The following SEMA3C variants were observed in gnomAD, a reference collection of about 807,000 sequenced individuals.
SEMA3C encodes the protein semaphorin 3C, also known as semaphorin-3C.
Under a neutral mutation model 89.4 loss-of-function variants are expected in SEMA3C, and 47 were observed. The observed-to-expected ratio is 0.53, with a 90% CI of 0.42 to 0.67. The LOEUF is 0.67. SEMA3C is among the 30% of genes least tolerant of loss of function. SEMA3C has a pLI of 0.00. For missense variants in SEMA3C, 839 were observed against 929.1 expected, an observed-to-expected ratio of 0.90 and a Z score of 1.26; for synonymous variants, 310 against 320.2, an observed-to-expected ratio of 0.97 and a Z score of 0.34.
At position 80,745,273 on chromosome 7, in the gene SEMA3C, T is replaced by C. The variant is rs1390117622; in HGVS notation, c.1877A>G (p.Gln626Arg). 3 of 1,613,906 alleles carry C rather than the reference T, an allele frequency of 1.9e-6. No homozygotes were observed. The highest frequency in any genetic ancestry group is 1.7e-6 in the Non-Finnish European group (2 of 1,179,950). The change falls in exon 18 of 18, where the codon CAG (glutamine) becomes CGG (arginine). Residue 626 changes from glutamine to arginine, a missense_variant. Gln to Arg is a conservative substitution (Grantham distance 43). Coordinates refer to ENST00000265361, the MANE Select transcript of SEMA3C (RefSeq NM_006379.5). ...KLNERIIATSQGLLIRSVQGS... is the reference protein window; with the variant it reads ...KLNERIIATSRGLLIRSVQGS... ...CTGAACAGAGCGGATCAGGAGTCCC[T>C]GTGAAGTGGCTATTATTCGTTCATT...
chr7:80,857,942 A>G (rs1324311510), intron 2 of SEMA3C, among the ~76,000 whole-genome samples: 2 of 152,144 alleles, frequency 1.3e-5, no homozygotes, highest in Non-Finnish European at 2.9e-5. Context: ...TTCTATGTTC[A>G]TAAAGTGGAA....
intron 15 of SEMA3C, among the ~76,000 whole-genome samples, chr7:80,754,957 G>GTTTTTTTTTTTGTTTTTTTTTT (rs1788027360): frequency 9.2e-6 from 1 of 108,366 alleles, no homozygotes. Context: ...GTTTTTTTTT[G>GTTTTTTTTTTTGTTTTTTTTTT]TTTTTTTTTT....
At chr7:80,915,277 T>A (rs1217612836) in intron 2 of SEMA3C, among the ~76,000 whole-genome samples, 2 of 152,150 alleles carry the variant, frequency 1.3e-5, no homozygotes, top group Non-Finnish European at 2.9e-5. Flanking sequence ...TCTTCACAAC[T>A]TAACTGCATA....
intron 2 of SEMA3C, among the ~76,000 whole-genome samples, chr7:80,911,224 C>A (rs996782398): frequency 1.3e-5 from 2 of 152,126 alleles, no homozygotes; most frequent in African/African-American, 4.8e-5. Flanking sequence ...GAGAAAAATT[C>A]TTTTCCTTTT....
At chr7:80,816,784 A>G (rs1353135407) in intron 5 of SEMA3C, among the ~76,000 whole-genome samples, 1 of 152,242 alleles carries the variant, frequency 6.6e-6, no homozygotes, top group African/African-American at 2.4e-5. Flanking sequence ...AAGTGAGACT[A>G]AAGTAGTTCA....
intron 6 of SEMA3C, among the ~76,000 whole-genome samples, chr7:80,806,279 A>G (rs1363908668): frequency 3.3e-5 from 5 of 152,142 alleles, no homozygotes; most frequent in Admixed American, 1.3e-4. Context: ...TGATCTTAAA[A>G]GTTCTTAACA....
At chr7:80,759,312 T>C (rs906357217) in intron 14 of SEMA3C, among the ~76,000 whole-genome samples, 1 of 152,176 alleles carries the variant, frequency 6.6e-6, no homozygotes, top group Non-Finnish European at 1.5e-5. Context: ...GATGCAGTTG[T>C]ATGGGTGTGT....
At chr7:80,878,965 G>T (rs1426437465) in intron 2 of SEMA3C, among the ~76,000 whole-genome samples, 2 of 152,244 alleles carry the variant, frequency 1.3e-5, no homozygotes, top group Middle Eastern at 3.4e-3. Flanking sequence ...AAGAACAGTG[G>T]CCCATGTCAA....
intron 2 of SEMA3C, among the ~76,000 whole-genome samples, chr7:80,834,340 A>T (rs533706779): frequency 2.2e-4 from 34 of 152,274 alleles, no homozygotes; most frequent in Middle Eastern, 3.4e-3. Flanking sequence ...AAATTCATGT[A>T]TCTACATGAA....
intron 10 of SEMA3C, among the ~76,000 whole-genome samples, chr7:80,798,447 G>C (rs1215991717): frequency 6.6e-6 from 1 of 152,068 alleles, no homozygotes; most frequent in Non-Finnish European, 1.5e-5. Flanking sequence ...GGAGTCAGTA[G>C]ACAATAAGTT....
chr7:80,900,701 T>C (rs1791857557), intron 2 of SEMA3C, among the ~76,000 whole-genome samples: 1 of 152,160 alleles, frequency 6.6e-6, no homozygotes, highest in Non-Finnish European at 1.5e-5. Flanking sequence ...TCCATTTTGG[T>C]TTGAACAAGG....
chr7:80,902,854 AT>A (rs1459519661), intron 2 of SEMA3C, among the ~76,000 whole-genome samples: 1 of 152,168 alleles, frequency 6.6e-6, no homozygotes, highest in Non-Finnish European at 1.5e-5. Context: ...ACTGCCAGCC[AT>A]TAGCCCATGG....
chr7:80,814,339 C>T (rs553549811), intron 5 of SEMA3C, among the ~76,000 whole-genome samples: 2 of 152,188 alleles, frequency 1.3e-5, no homozygotes, highest in Non-Finnish European at 2.9e-5. Context: ...CTGCCCGCCT[C>T]GGCCTCCCTA....
intron 4 of SEMA3C, among the ~76,000 whole-genome samples, chr7:80,823,870 A>C (rs1789811698): frequency 6.6e-6 from 1 of 152,168 alleles, no homozygotes; most frequent in Non-Finnish European, 1.5e-5. Context: ...TGAATAAAAT[A>C]TTAACATTTA....
chr7:80,918,277 T>C (rs1303554731), intron 1 of SEMA3C: 1 of 152,118 alleles, frequency 6.6e-6, no homozygotes, highest in Non-Finnish European at 1.5e-5. Flanking sequence ...ATTTACACAT[T>C]TTTTTTACAT....
chr7:80,777,566 A>G (rs965636083), intron 12 of SEMA3C, among the ~76,000 whole-genome samples: 1 of 152,216 alleles, frequency 6.6e-6, no homozygotes, highest in African/African-American at 2.4e-5. Flanking sequence ...TGCTGGGAGT[A>G]CAGGCGTGAG....
chr7:80,881,540 A>AT, intron 2 of SEMA3C, among the ~76,000 whole-genome samples: 1 of 152,258 alleles, frequency 6.6e-6, no homozygotes, highest in Non-Finnish European at 1.5e-5. Flanking sequence ...GGTGTAAGTG[A>AT]TTTTACATGT....
intron 14 of SEMA3C, 90 bp downstream of exon 14, chr7:80,761,526 T>C (rs1583852181): frequency 4.2e-6 from 3 of 708,664 alleles, no homozygotes; most frequent in African/African-American, 1.9e-5. Flanking sequence ...GTTAGTACGA[T>C]AACTAATTAT....
intron 5 of SEMA3C, chr7:80,816,203 A>G (rs1369336815): frequency 6.6e-6 from 1 of 152,204 alleles, no homozygotes; most frequent in African/African-American, 2.4e-5. Context: ...CCAAACACGA[A>G]GTAGGCTCAT....
Sources: gnomAD v4.1 joint callset for allele counts (sites outside exome capture counted in the v4.1 genomes callset) on GRCh38, gnomAD v4.1.1 for gene constraint, MANE v1.5 for transcripts, NCBI Gene and HGNC (gene_info 2026-07-23, HGNC 2026-07-21) for gene names.